The following NNMT variants were observed in gnomAD, a reference collection of about 807,000 sequenced individuals.
NNMT encodes nicotinamide N-methyltransferase.
A neutral mutation model predicts 11.7 loss-of-function variants in NNMT; 10 were observed. The ratio of observed to expected loss-of-function variants is 0.85; its 90% CI spans 0.53 to 1.45. The LOEUF (loss-of-function observed/expected upper bound fraction) is 1.45. Among genes scored for constraint, NNMT ranks in the 40% most tolerant of loss-of-function variants. The pLI, the probability that NNMT is intolerant of heterozygous loss-of-function variation, is 0.00. For synonymous variants in NNMT, 143 were observed against 133.8 expected (o/e 1.07, Z -0.48); for missense variants, 381 against 319.4 (o/e 1.19, Z -1.47).
intron 2 of NNMT, among the ~76,000 whole-genome samples, chr11:114,306,861 C>T (rs758191023): frequency 6.6e-6 from 1 of 152,176 alleles, no homozygotes; most frequent in African/African-American, 2.4e-5. Context: ...GGTAAATGCT[C>T]TCTGTGCAAA....
intron 1 of NNMT, among the ~76,000 whole-genome samples, chr11:114,262,228 CA>C (rs1945089051): frequency 2.0e-5 from 3 of 152,226 alleles, no homozygotes; most frequent in Admixed American, 6.5e-5. Context: ...TTCAGGGGTA[CA>C]TGTGCCGGAT....
chr11:114,312,082 G>A lies in NNMT; in HGVS notation c.400G>A (p.Ala134Thr), dbSNP rs1945554192. Residue 134 changes from alanine (A) to threonine (T), a missense_variant, in exon 3 of 3, where the codon GCG (alanine) becomes ACG (threonine). Physicochemically the swap from Ala to Thr is moderately conservative, Grantham distance 58. Coordinates refer to ENST00000299964, the MANE Select transcript of NNMT (RefSeq NM_006169.3). Reference sequence around the variant, plus strand: ...AGAGAAGGAGGAGAAGTTGAGACAGGCGGTCAAGCAGGTGCTGAAGTGTGA... The same window carrying A: ...AGAGAAGGAGGAGAAGTTGAGACAGACGGTCAAGCAGGTGCTGAAGTGTGA... ...GPEKEEKLRQ[A>T]VKQVLKCDVT... is the part of the protein sequence containing the mutation. The A allele has an allele frequency of 1.3e-6, 2 of 1,594,366 alleles. No homozygotes were observed. The highest frequency in any genetic ancestry group is 1.7e-6 in the Non-Finnish European group (2 of 1,167,190).
intron 2 of NNMT, among the ~76,000 whole-genome samples, chr11:114,305,341 CT>C (rs34437402): frequency 2.4e-4 from 35 of 146,596 alleles, no homozygotes; most frequent in Middle Eastern, 3.5e-3. Flanking sequence ...GTGGCTCCTC[CT>C]TTTTTTTTTT....
At chr11:114,260,668 G>A (rs558944268) in intron 1 of NNMT, among the ~76,000 whole-genome samples, 2 of 152,328 alleles carry the variant, frequency 1.3e-5, no homozygotes, top group East Asian at 3.9e-4. Context: ...CTGAGGCAGA[G>A]CTGGGCCCTG....
chr11:114,279,444 G>A (rs1386097979), intron 2 of NNMT, among the ~76,000 whole-genome samples: 1 of 152,214 alleles, frequency 6.6e-6, no homozygotes, highest in African/African-American at 2.4e-5. Flanking sequence ...GAGGGTGATG[G>A]TTGGAAAGGC....
intron 2 of NNMT, among the ~76,000 whole-genome samples, chr11:114,268,742 C>T (rs1231078217): frequency 1.5e-5 from 2 of 135,472 alleles, no homozygotes; most frequent in Non-Finnish European, 3.0e-5. Flanking sequence ...GCACTCCAGC[C>T]TGGACGATGG....
intron 2 of NNMT, among the ~76,000 whole-genome samples, chr11:114,273,346 T>A (rs1321644574): frequency 2.0e-5 from 3 of 152,216 alleles, no homozygotes; most frequent in African/African-American, 7.2e-5. Flanking sequence ...GCTTGTTTTC[T>A]CTCCTCACTG....
In NNMT at chr11:114,306,590, A is replaced by G. The variant is rs1037529149; in HGVS notation, c.363-5455A>G. The stretch of plus-strand genomic sequence containing the variant: ...ATGGCTAGCCAGTTTTCCCAGCACC[A>G]TTTATTAAATAGGGAATCCTTTCCC... On this transcript the variant is annotated intron_variant, in intron 2 of 2. Coordinates refer to ENST00000299964, the MANE Select transcript of NNMT (RefSeq NM_006169.3). Among the ~76,000 whole-genome samples, 5 of 152,272 alleles carry G rather than the reference A, an allele frequency of 3.3e-5. 1 individual carries two copies. In the Middle Eastern group the frequency reaches 0.01, roughly 311 times the overall value.
At chr11:114,289,906 C>T (rs569371347) in intron 2 of NNMT, among the ~76,000 whole-genome samples, 2 of 152,290 alleles carry the variant, frequency 1.3e-5, no homozygotes, top group South Asian at 2.1e-4. Flanking sequence ...CTGGGAAGTA[C>T]AAGATTGAGG....
At chr11:114,259,094 T>A (rs1408866636) in intron 1 of NNMT, among the ~76,000 whole-genome samples, 1 of 152,186 alleles carries the variant, frequency 6.6e-6, no homozygotes, top group Non-Finnish European at 1.5e-5. Flanking sequence ...TTCCTTGAGG[T>A]CAGGAATTGT....
intron 1 of NNMT, among the ~76,000 whole-genome samples, chr11:114,262,200 T>C (rs1397995071): frequency 2.0e-5 from 3 of 152,140 alleles, no homozygotes; most frequent in African/African-American, 7.2e-5. Context: ...TTTTTATTTT[T>C]TATCTTCAGC....
At chr11:114,269,119 T>TGCTA (rs1945148865) in intron 2 of NNMT, among the ~76,000 whole-genome samples, 1 of 152,220 alleles carries the variant, frequency 6.6e-6, no homozygotes, top group South Asian at 2.1e-4. Flanking sequence ...ATTGTGTAAG[T>TGCTA]GCTAGAGCCA....
chr11:114,269,197 A>T (rs1213555919), intron 2 of NNMT, among the ~76,000 whole-genome samples: 2 of 152,222 alleles, frequency 1.3e-5, no homozygotes, highest in Admixed American at 1.3e-4. Flanking sequence ...ATCTTACATA[A>T]TAGCTGCTTA....
At chr11:114,260,901 C>T (rs921048613) in intron 1 of NNMT, among the ~76,000 whole-genome samples, 10 of 152,180 alleles carry the variant, frequency 6.6e-5, no homozygotes, top group Non-Finnish European at 1.0e-4. Context: ...ACCGCGTGAC[C>T]TTCACTGTAT....
intron 2 of NNMT, among the ~76,000 whole-genome samples, chr11:114,279,032 G>T (rs1346270939): frequency 6.6e-6 from 1 of 152,164 alleles, no homozygotes; most frequent in African/African-American, 2.4e-5. Flanking sequence ...CAGGACGAGG[G>T]TGTGTGTCCT....
upstream of NNMT, among the ~76,000 whole-genome samples, chr11:114,291,577 G>A (rs562401981): frequency 6.6e-6 from 1 of 152,124 alleles, no homozygotes; most frequent in Non-Finnish European, 1.5e-5. Flanking sequence ...TCTTGGCGAT[G>A]GTTGTCTGCA....
intron 2 of NNMT, among the ~76,000 whole-genome samples, chr11:114,269,710 A>G (rs1404788064): frequency 6.6e-6 from 1 of 152,060 alleles, no homozygotes; most frequent in Non-Finnish European, 1.5e-5. Context: ...TTCTGTCTGC[A>G]CTTCCTCACC....
chr11:114,309,297 C>T (rs1342192841), intron 2 of NNMT, among the ~76,000 whole-genome samples: 1 of 152,138 alleles, frequency 6.6e-6, no homozygotes, highest in South Asian at 2.1e-4. Context: ...ATGAAAACTT[C>T]CATGTTGTAT....
rs1167033722 is a variant in NNMT at position 114,312,523 on chromosome 11, A to G, written c.*46A>G. The G allele has an allele frequency of 6.4e-7, 1 of 1,558,886 alleles. No homozygotes were observed. Among genetic ancestry groups the G allele is most frequent in the Admixed American group, 1.7e-5 (1 of 57,510 alleles). ...GCAATTCCTTTGACCTGTCCAGTTG[A>G]CTTTAGTCCTTGTTTCTAACTGCCA... On this transcript the variant is annotated 3_prime_UTR_variant, in exon 3 of 3. Coordinates refer to ENST00000299964, the MANE Select transcript of NNMT (RefSeq NM_006169.3).
Sources: allele counts gnomAD v4.1 joint callset (sites outside exome capture counted in the v4.1 genomes callset), GRCh38; gene constraint gnomAD v4.1.1; transcripts MANE v1.5; gene names NCBI Gene and HGNC (gene_info 2026-07-23, HGNC 2026-07-21).